C2orf76: variants seen among roughly 807,000 people sequenced by gnomAD.
The protein encoded by C2orf76 is chromosome 2 open reading frame 76, also known as UPF0538 protein C2orf76.
C2orf76 carries 23 observed loss-of-function variants against 16.9 expected under a neutral mutation model. The observed-to-expected ratio is 1.36, with a 90% CI of 0.98 to 1.93. The LOEUF is 1.93. C2orf76 is among the 30% of genes most tolerant of loss of function. The pLI is 0.00. For synonymous variants in C2orf76, 48 were observed against 52.3 expected (o/e 0.92, Z 0.35); for missense variants, 152 against 152.6 (o/e 1.00, Z 0.02).
chr2:119,347,083 T>C (rs548092451), intron 1 of C2orf76, among the ~76,000 whole-genome samples: 2 of 152,334 alleles, frequency 1.3e-5, no homozygotes, highest in East Asian at 3.9e-4. Flanking sequence ...CAGGTAAGAC[T>C]GACGGGGAAC....
chr2:119,318,001 A>G (rs1325772659), intron 3 of C2orf76, among the ~76,000 whole-genome samples: 12 of 151,902 alleles, frequency 7.9e-5, no homozygotes, highest in Non-Finnish European at 7.4e-5. Flanking sequence ...CGGGAATCTG[A>G]GCAAGGCTGC....
rs754024409 is a variant in C2orf76, at chr2:119,337,042, C to CATTT, written c.133+2781_133+2784dup. On this transcript the variant is annotated intron_variant, in intron 2 of 5. Coordinates refer to ENST00000334816, the MANE Select transcript of C2orf76 (RefSeq NM_001322331.2). ...TACCCATGCAACATCAGGAAAGTTT[C>CATTT]ATTTATTTATTTATTTATTTATTTA... Among the ~76,000 whole-genome samples the CATTT allele has an allele frequency of 3.4e-3, 484 of 142,016 alleles. 2 individuals carry two copies. Among genetic ancestry groups the CATTT allele is most frequent in the Non-Finnish European group, 5.4e-3 (352 of 65,674 alleles). 93.2% of individuals were successfully genotyped at this position (142,016 alleles called of 152,430 possible).
chr2:119,303,221 C>T (rs1216880823), intron 5 of C2orf76, among the ~76,000 whole-genome samples: 1 of 152,226 alleles, frequency 6.6e-6, no homozygotes, highest in Non-Finnish European at 1.5e-5. Flanking sequence ...AGGTTCAGAG[C>T]AGTCACAATT....
intron 5 of C2orf76, among the ~76,000 whole-genome samples, chr2:119,304,251 G>T (rs1678707685): frequency 1.3e-5 from 2 of 152,220 alleles, no homozygotes; most frequent in East Asian, 3.8e-4. Flanking sequence ...ACAGAGCAAG[G>T]TTTTATCTGT....
intron 5 of C2orf76, among the ~76,000 whole-genome samples, chr2:119,309,232 A>G (rs1678897998): frequency 1.3e-5 from 2 of 152,048 alleles, no homozygotes; most frequent in South Asian, 4.2e-4. Flanking sequence ...TACATAAAAC[A>G]GTATCTATGT....
chr2:119,293,033 TCAAAA>T, the C2orf76 span, among the ~76,000 whole-genome samples: 24 of 152,228 alleles, frequency 1.6e-4, no homozygotes, highest in Non-Finnish European at 7.4e-5. Flanking sequence ...AGACTCTGTC[TCAAAA>T]CAAAACAAAA....
At chr2:119,346,366 C>T (rs138337939) in intron 1 of C2orf76, among the ~76,000 whole-genome samples, 2 of 152,132 alleles carry the variant, frequency 1.3e-5, no homozygotes, top group East Asian at 3.9e-4. Flanking sequence ...TGTGTAATGC[C>T]CCAAAACTGG....
chr2:119,290,785 G>A, the C2orf76 span, among the ~76,000 whole-genome samples: 2 of 152,058 alleles, frequency 1.3e-5, no homozygotes, highest in Non-Finnish European at 2.9e-5. Context: ...AGCCGAGATC[G>A]TGCCACTGCA....
intron 2 of C2orf76, among the ~76,000 whole-genome samples, chr2:119,333,565 C>G (rs1230068173): frequency 6.6e-6 from 1 of 152,234 alleles, no homozygotes; most frequent in African/African-American, 2.4e-5. Context: ...GGCCAGCAAA[C>G]TAGTTTGGTA....
intron 1 of C2orf76, among the ~76,000 whole-genome samples, chr2:119,348,187 C>T (rs570142466): frequency 6.6e-5 from 10 of 152,058 alleles, no homozygotes; most frequent in South Asian, 2.1e-4. Context: ...ACTATAAGTG[C>T]GCAAAGGTGT....
intron 3 of C2orf76, among the ~76,000 whole-genome samples, chr2:119,318,762 G>A (rs1191959448): frequency 6.6e-6 from 1 of 151,994 alleles, no homozygotes; most frequent in African/African-American, 2.4e-5. Context: ...CTGACCTCAG[G>A]TGATCTGCCC....
intron 1 of C2orf76, among the ~76,000 whole-genome samples, chr2:119,342,465 AG>A (rs1680063573): frequency 6.6e-6 from 1 of 152,000 alleles, no homozygotes; most frequent in Admixed American, 6.6e-5. Context: ...AAAAAAAATT[AG>A]CCAGGCATGG....
chr2:119,354,582 T>C (rs1680510205), intron 1 of C2orf76, among the ~76,000 whole-genome samples: 1 of 152,228 alleles, frequency 6.6e-6, no homozygotes, highest in Non-Finnish European at 1.5e-5. Flanking sequence ...ATATGAGGGT[T>C]AAATAACATT....
At chr2:119,367,121 C>T, upstream of C2orf76, 1 of 1,606,874 alleles carries the variant, frequency 6.2e-7, no homozygotes, top group East Asian at 2.2e-5. Context: ...GTTGGGGGCT[C>T]AGCCGGCTGC....
chr2:119,282,633 G>A, the C2orf76 span, among the ~76,000 whole-genome samples: 1 of 152,212 alleles, frequency 6.6e-6, no homozygotes, highest in Non-Finnish European at 1.5e-5. Flanking sequence ...TGCCGGCCCT[G>A]ACGGACAGGG....
intron 1 of C2orf76, among the ~76,000 whole-genome samples, chr2:119,341,802 A>C (rs1467089472): frequency 1.3e-5 from 2 of 152,228 alleles, no homozygotes; most frequent in South Asian, 4.1e-4. Context: ...GGGAAATTCA[A>C]AATAACAGTG....
chr2:119,306,011 T>C (rs967996762), intron 5 of C2orf76, among the ~76,000 whole-genome samples: 5 of 150,416 alleles, frequency 3.3e-5, no homozygotes, highest in African/African-American at 1.2e-4. Flanking sequence ...ATTTCCACCA[T>C]GGTGTGGGAA....
chr2:119,281,755 T>A, the C2orf76 span, among the ~76,000 whole-genome samples: 2 of 152,222 alleles, frequency 1.3e-5, no homozygotes, highest in East Asian at 3.9e-4. Flanking sequence ...TTTTACCTGC[T>A]AAAATGCTTG....
At chr2:119,359,192 G>A (rs772403629) in intron 1 of C2orf76, among the ~76,000 whole-genome samples, 4 of 152,108 alleles carry the variant, frequency 2.6e-5, no homozygotes, top group East Asian at 1.9e-4. Context: ...TTACAGCATC[G>A]TTTATTAAAT....
Sources: allele counts gnomAD v4.1 joint callset (sites outside exome capture counted in the v4.1 genomes callset), GRCh38; gene constraint gnomAD v4.1.1; transcripts MANE v1.5; gene names NCBI Gene and HGNC (gene_info 2026-07-23, HGNC 2026-07-21).